CREBBP: variants seen among roughly 807,000 people sequenced by gnomAD.
The protein encoded by CREBBP is CREB binding lysine acetyltransferase.
CREBBP carries 19 observed loss-of-function variants against 265.0 expected under a neutral mutation model. The ratio of observed to expected loss-of-function variants is 0.07; its 90% confidence interval spans 0.05 to 0.11. The LOEUF is 0.11. Ranked by LOEUF, CREBBP falls within the 10% of genes least tolerant of loss-of-function variation. CREBBP has a pLI of 1.00. For synonymous variants in CREBBP, 1,457 were observed against 1,223.7 expected (o/e 1.19, Z -3.98); for missense variants, 2,525 against 3,219.0 (o/e 0.78, Z 5.22).
At chr16:3,866,158 A>AAG (rs2055175354) in intron 1 of CREBBP, among the ~76,000 whole-genome samples, 1 of 152,228 alleles carries the variant, frequency 6.6e-6, no homozygotes. Context: ...GGGCACTTTA[A>AAG]AGAAGAACTT....
rs1330734523 is a variant in CREBBP, at chr16:3,735,942, G to T, written c.4728+94C>A. ...ATGTGTGAACGGAGACACCACCACA[G>T]GAAGGACCTAACAGTCGACACGCGC... On this transcript the variant is annotated intron_variant, in intron 28 of 30. Coordinates refer to ENST00000262367, the MANE Select transcript of CREBBP (RefSeq NM_004380.3). 3 of 1,605,678 alleles carry T rather than the reference G, an allele frequency of 1.9e-6. No individual in the cohort carries two copies. The East Asian group carries it at 6.7e-5, about 36-fold the overall frequency.
At chr16:3,806,748 C>T (rs964886504) in intron 3 of CREBBP, among the ~76,000 whole-genome samples, 6 of 152,082 alleles carry the variant, frequency 3.9e-5, no homozygotes, top group African/African-American at 9.7e-5. Context: ...CCCTGTAAGC[C>T]GATGGCCCAT....
rs2151336596 is a variant in CREBBP at position 3,739,589 on chromosome 16, A to AG, written c.4268dup (p.Pro1424SerfsTer13). 6.2e-7 allele frequency: 1 copy of AG among 1,614,134 alleles called. No individual in the cohort carries two copies. Among genetic ancestry groups the AG allele is most frequent in the Non-Finnish European group, 8.5e-7 (1 of 1,180,028 alleles). ...AGCTGGAAAACTACCTCGTGTTTGG[A>AG]GGGGGGCAATCAGAGCCGTATTCTT... is the stretch of plus-strand genomic sequence containing the variant. On this transcript the variant is annotated frameshift_variant, in exon 25 of 31. Coordinates refer to ENST00000262367, the MANE Select transcript of CREBBP (RefSeq NM_004380.3). LOFTEE classifies it high-confidence loss of function.
intron 30 of CREBBP, 72 bp from the exon 31 acceptor site, chr16:3,729,946 CCTCCACCG>C: frequency 6.4e-7 from 1 of 1,573,720 alleles, no homozygotes; most frequent in Non-Finnish European, 8.6e-7. Flanking sequence ...TGGCTGCTTC[CCTCCACCG>C]CTAAGTCTGG....
At position 3,880,551 on chromosome 16, in the gene CREBBP, G is replaced by C. The variant is rs1335724854; in HGVS notation, c.-635C>G. On this transcript the variant is annotated 5_prime_UTR_variant, in exon 1 of 31. Coordinates refer to ENST00000262367, the MANE Select transcript of CREBBP (RefSeq NM_004380.3). ...TCCGGGAGGCCGAGCCGAGAGGCGA[G>C]CGGGGCCGCCGGGGCGGGCGCCGAG... 6.9e-6 allele frequency: 1 copy of C among 145,840 alleles called. No homozygotes were observed. Among genetic ancestry groups the C allele is most frequent in the Non-Finnish European group, 1.5e-5 (1 of 65,456 alleles). 9.0% of individuals were successfully genotyped at this position (145,840 alleles called of 1,614,324 possible). A position where few individuals can be genotyped will look rare whatever the true frequency, so the allele number is the denominator to read the frequency against.
At chr16:3,730,334 G>A (rs2051880258) in intron 30 of CREBBP, among the ~76,000 whole-genome samples, 1 of 152,180 alleles carries the variant, frequency 6.6e-6, no homozygotes, top group Non-Finnish European at 1.5e-5. Flanking sequence ...AAGCCAGACA[G>A]TGAAAGGCTG....
In CREBBP at chr16:3,876,399, C is replaced by CAAA. The variant is rs71133663; in HGVS notation, c.85+3430_85+3432dup. Reference sequence around the variant, plus strand: ...GTGCAAATTTTGCAATAAAGCTGACCAAAAAAAAAAAAAAAAAAAAAAAAA... The same window carrying CAAA: ...GTGCAAATTTTGCAATAAAGCTGACCAAAAAAAAAAAAAAAAAAAAAAAAAAAA... On this transcript the variant is annotated intron_variant, in intron 1 of 30. Transcript: ENST00000262367. Among the ~76,000 whole-genome samples the CAAA allele has an allele frequency of 2.1e-3, 38 of 18,160 alleles. 2 individuals carry two copies. Among genetic ancestry groups the CAAA allele is most frequent in the African/African-American group, 5.3e-3 (29 of 5,466 alleles). The allele number at this position is 18,160 out of a possible 152,430, so 11.9% of individuals were successfully genotyped here.
rs2053254173 is a variant in CREBBP, at chr16:3,780,714, T to C, written c.1823+18A>G. ...GAATAAAATCAAACATCTATGAAAC[T>C]GCAAAACTGTTACGTACAGTTTATG... is the stretch of plus-strand genomic sequence containing the variant. On this transcript the variant is annotated intron_variant, in intron 8 of 30. Coordinates refer to ENST00000262367, the MANE Select transcript of CREBBP (RefSeq NM_004380.3). 9 of 1,613,328 alleles carry C rather than the reference T, an allele frequency of 5.6e-6. No individual in the cohort carries two copies. The highest frequency in any genetic ancestry group is 7.6e-6 in the Non-Finnish European group (9 of 1,179,820).
rs1212323858 is a variant in CREBBP at position 3,736,982 on chromosome 16, TC to T, written c.4395-168del. 1.9e-5 allele frequency: 15 copies of T among 802,908 alleles called. No homozygotes were observed. The African/African-American group carries it at 2.4e-4, about 13-fold the overall frequency. 49.7% of individuals were successfully genotyped at this position (802,908 alleles called of 1,614,324 possible). The stretch of plus-strand genomic sequence containing the variant: ...TGGTGGGGGCAAGGCTCGAACTTTA[TC>T]CTGAGCAAATGCAAGCCTGCAAATT... On this transcript the variant is annotated intron_variant, in intron 26 of 30. Coordinates refer to ENST00000262367, the MANE Select transcript of CREBBP (RefSeq NM_004380.3).
At chr16:3,738,807 G>A (rs1257309198) in intron 25 of CREBBP, 135 bp from the exon 26 acceptor site, 8 of 689,176 alleles carry the variant, frequency 1.2e-5, no homozygotes, top group Admixed American at 6.3e-5. Flanking sequence ...ATGCGGTGAC[G>A]CGGTCACAGC....
chr16:3,776,942 C>T (rs890308338), intron 11 of CREBBP, among the ~76,000 whole-genome samples: 14 of 151,824 alleles, frequency 9.2e-5, no homozygotes, highest in Non-Finnish European at 1.9e-4. Context: ...GGCATGAACC[C>T]GGGAGGCGGA....
intron 8 of CREBBP, among the ~76,000 whole-genome samples, chr16:3,780,232 ACT>A (rs1187694026): frequency 1.5e-5 from 2 of 135,184 alleles, no homozygotes; most frequent in East Asian, 2.1e-4. Flanking sequence ...ACAGAGCGAG[ACT>A]CTGTCTCAAA....
At chr16:3,812,531 A>G (rs2053958735) in intron 2 of CREBBP, among the ~76,000 whole-genome samples, 1 of 151,512 alleles carries the variant, frequency 6.6e-6, no homozygotes, top group Non-Finnish European at 1.5e-5. Context: ...CTGAAATCAA[A>G]TATATACTAG....
intron 2 of CREBBP, among the ~76,000 whole-genome samples, chr16:3,835,877 G>A (rs1396329866): frequency 1.3e-5 from 2 of 151,762 alleles, no homozygotes; most frequent in Non-Finnish European, 2.9e-5. Context: ...ACCGCGCCCG[G>A]CAGAAGATTT....
chr16:3,777,271 C>G (rs1010809460), intron 11 of CREBBP, among the ~76,000 whole-genome samples: 2 of 151,786 alleles, frequency 1.3e-5, no homozygotes, highest in Admixed American at 6.6e-5. Context: ...GGAGGCGGAG[C>G]TTGCAGTGAG....
In CREBBP at chr16:3,879,818, GACCCCCT is replaced by G. The variant is rs768146130; in HGVS notation, c.85+7_85+13del. On this transcript the variant is annotated splice_region_variant and intron_variant, in intron 1 of 30. Coordinates refer to ENST00000262367, the MANE Select transcript of CREBBP (RefSeq NM_004380.3). ...CGCGCCCCGGGCCCCCGCCGCCCCG[GACCCCCT>G]CCTCACCTGTGCTGTCATTCGCCGA... 7.6e-6 allele frequency: 12 copies of G among 1,588,402 alleles called. No homozygotes were observed. The Admixed American group carries it at 2.1e-4, about 28-fold the overall frequency.
Position 3,850,304 on chromosome 16 carries a change from A to G in CREBBP, c.791T>C (p.Met264Thr), listed in dbSNP as rs2054801918. The G allele has an allele frequency of 6.2e-7, 1 of 1,614,216 alleles. No individual in the cohort carries two copies. Among genetic ancestry groups the G allele is most frequent in the Non-Finnish European group, 8.5e-7 (1 of 1,180,036 alleles). Residue 264 changes from methionine (M) to threonine (T), a missense_variant, in exon 2 of 31, where the codon ATG becomes ACG. Met to Thr is a moderately conservative substitution (Grantham distance 81). Coordinates refer to ENST00000262367, the MANE Select transcript of CREBBP (RefSeq NM_004380.3). ...GTGCTTCAGTTCACTTACCTTGGCCATGCCTCCTGCCTGTGCGGTGTTCAG... is the reference window on the plus strand; with the variant it reads ...GTGCTTCAGTTCACTTACCTTGGCCGTGCCTCCTGCCTGTGCGGTGTTCAG... ...AGLNTAQAGG[M>T]AKMGITGNTS... is the part of the protein sequence containing the mutation.
intron 16 of CREBBP, among the ~76,000 whole-genome samples, chr16:3,763,702 G>T (rs977814371): frequency 9.9e-5 from 15 of 152,252 alleles, no homozygotes; most frequent in Admixed American, 1.3e-4. Context: ...GACCTCAGGT[G>T]ATCCACCCGC....
At chr16:3,849,433 GT>G (rs562397162) in intron 2 of CREBBP, among the ~76,000 whole-genome samples, 626 of 14,164 alleles carry the variant, frequency 0.044, 7 homozygotes, top group South Asian at 0.11. Flanking sequence ...GTGTGTGTGT[GT>G]GTGTGTGTGT....
Sources: allele counts gnomAD v4.1 joint callset (sites outside exome capture counted in the v4.1 genomes callset), GRCh38; gene constraint gnomAD v4.1.1; transcripts MANE v1.5; gene names NCBI Gene and HGNC (gene_info 2026-07-23, HGNC 2026-07-21).